CTRC: variants seen among roughly 807,000 people sequenced by gnomAD.
The protein encoded by CTRC is chymotrypsin-C.
Under a neutral mutation model 35.7 loss-of-function variants are expected in CTRC, and 32 were observed. That is an observed-to-expected ratio of 0.90 (90% confidence interval 0.68 to 1.20). The LOEUF (loss-of-function observed/expected upper bound fraction) is 1.20. Among genes scored for constraint, CTRC ranks in the 50% most tolerant of loss-of-function variants. The pLI, the probability that CTRC is intolerant of heterozygous loss-of-function variation, is 0.00. For synonymous variants in CTRC, 119 were observed against 149.5 expected, an observed-to-expected ratio of 0.80 and a Z score of 1.49; for missense variants, 324 against 361.5, an observed-to-expected ratio of 0.90 and a Z score of 0.84.
intron 7 of CTRC, 143 bp from the exon 8 acceptor site, chr1:15,446,432 C>G (rs1268407511): frequency 6.2e-6 from 5 of 812,164 alleles, no homozygotes; most frequent in African/African-American, 1.7e-5. Context: ...GGCCTCAGAC[C>G]CCTTGAACAG....
intron 2 of CTRC, 50 bp from the exon 3 acceptor site, chr1:15,440,443 G>A: frequency 4.3e-6 from 7 of 1,612,314 alleles, no homozygotes; most frequent in Non-Finnish European, 5.9e-6. Flanking sequence ...GCGGGGTGAG[G>A]GTCCCAGGGA....
Position 15,444,752 on chromosome 1 carries a change from G to T in CTRC, c.639+1G>T. On this transcript the variant is annotated splice_donor_variant, in intron 6 of 7. Coordinates refer to ENST00000375949, the MANE Select transcript of CTRC (RefSeq NM_007272.3). LOFTEE classifies it high-confidence loss of function. ...CGATGGCGTCATCTCAGCCTGCAAT[G>T]TGAGTGGCTAGGTTCTGCACCTTGT... is the stretch of plus-strand genomic sequence containing the variant. 1 of 1,614,212 alleles carries T rather than the reference G, an allele frequency of 6.2e-7. No individual in the cohort carries two copies. The highest frequency in any genetic ancestry group is 8.5e-7 in the Non-Finnish European group (1 of 1,180,036).
At chr1:15,444,225 C>T (rs983902587) in intron 5 of CTRC, among the ~76,000 whole-genome samples, 1 of 151,776 alleles carries the variant, frequency 6.6e-6, no homozygotes, top group African/African-American at 2.4e-5. Flanking sequence ...CCACTGCTGT[C>T]CAGCCTGAGC....
intron 3 of CTRC, among the ~76,000 whole-genome samples, chr1:15,441,773 A>G (rs1708136833): frequency 6.6e-6 from 1 of 151,518 alleles, no homozygotes; most frequent in Non-Finnish European, 1.5e-5. Flanking sequence ...TCCTGAGCTC[A>G]AGCAATCCTC....
In CTRC at chr1:15,442,571, C is replaced by G. The variant is rs768853400; in HGVS notation, c.355C>G (p.Arg119Gly). Residue 119 changes from arginine (R) to glycine (G), a missense_variant and splice_region_variant, in exon 4 of 8, where the codon CGC becomes GGC. By Grantham distance (125) the Arg-to-Gly change is moderately radical. Coordinates refer to ENST00000375949, the MANE Select transcript of CTRC (RefSeq NM_007272.3). ...VHKRWNALLL[R>G]NDIALIKLAE... ...CAAGAGATGGAATGCCCTCCTGTTG[C>G]GGTGAGTGACAGACTGCCCATCCCA... 1.2e-6 allele frequency: 2 copies of G among 1,613,920 alleles called. No homozygotes were observed. Among genetic ancestry groups the G allele is most frequent in the East Asian group, 4.5e-5 (2 of 44,872 alleles).
chr1:15,445,560 G>A (rs777470722), intron 6 of CTRC, 37 bp from the exon 7 acceptor site: 2 of 1,607,428 alleles, frequency 1.2e-6, no homozygotes, highest in Non-Finnish European at 1.7e-6. Context: ...CCTCTGGGGG[G>A]GGGCCTGGTG....
chr1:15,446,675 A>C lies in CTRC; in HGVS notation c.*86A>C, dbSNP rs760937. ...GGCCACCTGGATCCTTGATTTGTGC[A>C]GCTTCTGTTGCTTCCCTCCTCTCTG... On this transcript the variant is annotated 3_prime_UTR_variant, in exon 8 of 8. Transcript: ENST00000375949. 6.7e-6 allele frequency: 10 copies of C among 1,488,484 alleles called. No individual in the cohort carries two copies. The Middle Eastern group carries it at 6.9e-4, about 102-fold the overall frequency. 92.2% of individuals were successfully genotyped at this position (1,488,484 alleles called of 1,614,324 possible).
Position 15,448,166 on chromosome 1 carries a change from T to A in CTRC, c.*1577T>A, listed in dbSNP as rs1206002535. The A allele has an allele frequency of 3.2e-5, 4 of 123,916 alleles. No homozygotes were observed. The highest frequency in any genetic ancestry group is 8.2e-5 in the Admixed American group (1 of 12,224). The allele number at this position is 123,916 out of a possible 1,614,324, so 7.7% of individuals were successfully genotyped here. On this transcript the variant is annotated 3_prime_UTR_variant, in exon 8 of 8. Transcript: ENST00000375949. ...ATCTAAACTTCATTCCCACCTATCC[T>A]CTTCTTTTTTTTTTTTTTTTTTTTG...
At chr1:15,444,114 T>C (rs1034970132) in intron 5 of CTRC, among the ~76,000 whole-genome samples, 2 of 151,806 alleles carry the variant, frequency 1.3e-5, no homozygotes, top group African/African-American at 4.8e-5. Flanking sequence ...TAAATAGCAG[T>C]GTATGGTGGT....
chr1:15,446,047 C>T (rs1708217339), intron 7 of CTRC, among the ~76,000 whole-genome samples: 1 of 152,190 alleles, frequency 6.6e-6, no homozygotes, highest in Non-Finnish European at 1.5e-5. Context: ...TCCATTTATT[C>T]ACTCATTCAT....
chr1:15,438,818 C>G (rs1050217802), intron 1 of CTRC, among the ~76,000 whole-genome samples: 7 of 152,202 alleles, frequency 4.6e-5, no homozygotes, highest in African/African-American at 1.7e-4. Flanking sequence ...CCATCGGGGT[C>G]TGCCTTTCCC....
Position 15,447,411 on chromosome 1 carries a change from GA to G in CTRC, c.*824del. 6.5e-6 allele frequency: 1 copy of G among 153,622 alleles called. No homozygotes were observed. The highest frequency in any genetic ancestry group is 1.5e-5 in the Non-Finnish European group (1 of 68,780). The allele number at this position is 153,622 out of a possible 1,614,324, so 9.5% of individuals were successfully genotyped here. On this transcript the variant is annotated 3_prime_UTR_variant, in exon 8 of 8. Coordinates refer to ENST00000375949, the MANE Select transcript of CTRC (RefSeq NM_007272.3). ...TGGGGAAACTGAGGCCCAGAGAGAG[GA>G]AGGAGTTGGGATAGCTGGCAATGCC...
chr1:15,442,671 A>G (rs1463914777), intron 4 of CTRC, 99 bp downstream of exon 4: 64 of 1,523,096 alleles, frequency 4.2e-5, no homozygotes, highest in Non-Finnish European at 5.7e-5. Flanking sequence ...CATACCTGAC[A>G]CCCCATCCTC....
At chr1:15,440,226 G>GGGGGGCCCCCC in intron 1 of CTRC, 74 bp from the exon 2 acceptor site, 1 of 523,580 alleles carries the variant, frequency 1.9e-6, no homozygotes, top group East Asian at 3.8e-5. Flanking sequence ...TCTTCCACCT[G>GGGGGGCCCCCC]CCCACCCTCC....
chr1:15,445,461 G>A lies in CTRC; in HGVS notation c.640-136G>A, dbSNP rs541166375. Reference sequence around the variant, plus strand: ...CATTTCCTCTGCCTCCCTCACCATGGGCAGGCTGAGGCCAAATCTGTCCAC... The same window carrying A: ...CATTTCCTCTGCCTCCCTCACCATGAGCAGGCTGAGGCCAAATCTGTCCAC... On this transcript the variant is annotated intron_variant, in intron 6 of 7. Coordinates refer to ENST00000375949, the MANE Select transcript of CTRC (RefSeq NM_007272.3). 11 of 835,896 alleles carry A rather than the reference G, an allele frequency of 1.3e-5. No homozygotes were observed. The East Asian group carries it at 2.3e-4, about 18-fold the overall frequency. The allele number at this position is 835,896 out of a possible 1,614,324, so 51.8% of individuals were successfully genotyped here.
intron 1 of CTRC, among the ~76,000 whole-genome samples, chr1:15,439,939 G>A (rs1168194900): frequency 2.6e-5 from 4 of 152,024 alleles, no homozygotes; most frequent in Non-Finnish European, 5.9e-5. Context: ...ACAGGGTTTC[G>A]CCATGTTGGC....
intron 1 of CTRC, among the ~76,000 whole-genome samples, chr1:15,439,288 TGGTGGCG>T (rs1042103428): frequency 5.3e-5 from 8 of 152,024 alleles, no homozygotes; most frequent in African/African-American, 1.9e-4. Flanking sequence ...TAGCCAGGCG[TGGTGGCG>T]GGCACCTGTA....
At chr1:15,444,240 G>A (rs2103291994) in intron 5 of CTRC, among the ~76,000 whole-genome samples, 1 of 151,974 alleles carries the variant, frequency 6.6e-6, no homozygotes, top group East Asian at 1.9e-4. Flanking sequence ...CTGAGCAACA[G>A]AGTGAGACCT....
chr1:15,440,226 G>GGGGGGCCCCCCC, intron 1 of CTRC, 74 bp from the exon 2 acceptor site: 1 of 523,580 alleles, frequency 1.9e-6, no homozygotes. Flanking sequence ...TCTTCCACCT[G>GGGGGGCCCCCCC]CCCACCCTCC....
Sources: allele counts gnomAD v4.1 joint callset (sites outside exome capture counted in the v4.1 genomes callset), GRCh38; gene constraint gnomAD v4.1.1; transcripts MANE v1.5; gene names NCBI Gene and HGNC (gene_info 2026-07-23, HGNC 2026-07-21).